The following DNM3 variants were observed in gnomAD, a reference collection of about 807,000 sequenced individuals.
The protein encoded by DNM3 is dynamin 3.
A neutral mutation model predicts 101.6 loss-of-function variants in DNM3; 47 were observed. The ratio of observed to expected loss-of-function variants is 0.46; its 90% CI spans 0.37 to 0.59. The LOEUF is 0.59. Ranked by LOEUF, DNM3 falls within the 20% of genes least tolerant of loss-of-function variation. The pLI is 0.00. For missense variants in DNM3, 849 were observed against 1,085.7 expected, an observed-to-expected ratio of 0.78 and a Z score of 3.06; for synonymous variants, 385 against 387.9, an observed-to-expected ratio of 0.99 and a Z score of 0.09.
chr1:172,078,120 T>G (rs2052820332), intron 11 of DNM3, among the ~76,000 whole-genome samples: 1 of 151,932 alleles, frequency 6.6e-6, no homozygotes, highest in African/African-American at 2.4e-5. Flanking sequence ...TTAGATGGAG[T>G]CTCACTCTGT....
chr1:172,353,533 C>T (rs1323253820), intron 17 of DNM3, among the ~76,000 whole-genome samples: 2 of 152,120 alleles, frequency 1.3e-5, no homozygotes, highest in Non-Finnish European at 2.9e-5. Context: ...GGCCCCCTGA[C>T]CTAATCACAG....
At chr1:171,988,133 C>T (rs2045393948) in intron 3 of DNM3, among the ~76,000 whole-genome samples, 1 of 152,110 alleles carries the variant, frequency 6.6e-6, no homozygotes, top group East Asian at 1.9e-4. Context: ...ACTATGGTTG[C>T]ATCTTCCCCT....
intron 1 of DNM3, among the ~76,000 whole-genome samples, chr1:171,878,354 A>G (rs1014999089): frequency 6.6e-6 from 1 of 150,852 alleles, no homozygotes; most frequent in Non-Finnish European, 1.5e-5. Flanking sequence ...CAAATTGAAG[A>G]GACAGAAAAT....
chr1:172,102,059 A>G (rs1053581482), intron 13 of DNM3, among the ~76,000 whole-genome samples: 3 of 151,962 alleles, frequency 2.0e-5, no homozygotes, highest in Non-Finnish European at 4.4e-5. Flanking sequence ...GGGTTTCACC[A>G]TGTTGGCCAG....
chr1:172,261,086 A>G (rs1051144132), intron 15 of DNM3, among the ~76,000 whole-genome samples: 55 of 152,168 alleles, frequency 3.6e-4, no homozygotes, highest in African/African-American at 1.0e-3. Flanking sequence ...AGTTAGGACT[A>G]TAGGCACATG....
chr1:172,282,164 GTTTGTGT>G (rs2063515169), intron 15 of DNM3, among the ~76,000 whole-genome samples: 1 of 152,136 alleles, frequency 6.6e-6, no homozygotes, highest in Non-Finnish European at 1.5e-5. Context: ...AGGAGCTGAA[GTTTGTGT>G]TTTGTCTTGT....
intron 15 of DNM3, among the ~76,000 whole-genome samples, chr1:172,282,157 A>T (rs2063514642): frequency 6.6e-6 from 1 of 152,144 alleles, no homozygotes; most frequent in South Asian, 2.1e-4. Context: ...GCTATGGAGG[A>T]GCTGAAGTTT....
intron 14 of DNM3, among the ~76,000 whole-genome samples, chr1:172,242,330 C>A (rs371064137): frequency 9.2e-5 from 14 of 152,246 alleles, no homozygotes; most frequent in African/African-American, 3.4e-4. Context: ...TATCTCTCAG[C>A]CTGAAACTTC....
intron 14 of DNM3, among the ~76,000 whole-genome samples, chr1:172,210,529 A>C (rs1370254854): frequency 1.3e-5 from 2 of 152,028 alleles, no homozygotes; most frequent in Non-Finnish European, 2.9e-5. Flanking sequence ...GCTGAGCTGG[A>C]ACTTAAGATG....
At chr1:172,119,502 G>T (rs949475327) in intron 13 of DNM3, among the ~76,000 whole-genome samples, 2 of 151,774 alleles carry the variant, frequency 1.3e-5, no homozygotes, top group Non-Finnish European at 2.9e-5. Flanking sequence ...GCCCCGCCTC[G>T]GTTTCCTTCA....
At chr1:171,968,899 G>A (rs1426725695) in intron 2 of DNM3, among the ~76,000 whole-genome samples, 1 of 152,142 alleles carries the variant, frequency 6.6e-6, no homozygotes, top group African/African-American at 2.4e-5. Context: ...TGCTATTGTT[G>A]TGTTCTTCAA....
chr1:172,055,830 G>A (rs1191440650), intron 10 of DNM3, among the ~76,000 whole-genome samples: 2 of 152,062 alleles, frequency 1.3e-5, no homozygotes, highest in Non-Finnish European at 2.9e-5. Flanking sequence ...CTTGCATTTC[G>A]GGGAGGAGCC....
intron 11 of DNM3, among the ~76,000 whole-genome samples, chr1:172,080,757 AG>A (rs1013933429): frequency 1.6e-4 from 24 of 152,284 alleles, no homozygotes; most frequent in Non-Finnish European, 3.2e-4. Flanking sequence ...CTTGTGGTGT[AG>A]GCACCCAAGG....
intron 14 of DNM3, chr1:172,137,564 A>G (rs2057308375): frequency 6.6e-6 from 1 of 152,194 alleles, no homozygotes; most frequent in South Asian, 2.1e-4. Flanking sequence ...TTTAAGACTG[A>G]GACTTTCATT....
chr1:172,184,226 T>C (rs1418976171), intron 14 of DNM3, among the ~76,000 whole-genome samples: 1 of 152,106 alleles, frequency 6.6e-6, no homozygotes, highest in Non-Finnish European at 1.5e-5. Flanking sequence ...TGATGGAGAA[T>C]TTAGATATGT....
At chr1:172,127,220 C>A (rs768813089) in intron 13 of DNM3, among the ~76,000 whole-genome samples, 5 of 151,924 alleles carry the variant, frequency 3.3e-5, no homozygotes, top group Non-Finnish European at 5.9e-5. Context: ...CTGCTCCTCA[C>A]GAAGGACTTA....
chr1:172,408,927 A>G lies in DNM3; in HGVS notation c.*1086A>G. On this transcript the variant is annotated 3_prime_UTR_variant, in exon 21 of 21. Transcript: ENST00000627582. ...CTGAAATGAAGTCAGTAGAAATGGC[A>G]TGGGATAAGAGCAGAGCTCACACTT... 1 of 985,404 alleles carries G rather than the reference A, an allele frequency of 1.0e-6. No individual in the cohort carries two copies. The highest frequency in any genetic ancestry group is 1.2e-6 in the Non-Finnish European group (1 of 829,890). The allele number at this position is 985,404 out of a possible 1,614,324, so 61.0% of individuals were successfully genotyped here.
intron 1 of DNM3, among the ~76,000 whole-genome samples, chr1:171,883,861 AG>A (rs1335188784): frequency 6.6e-6 from 1 of 152,216 alleles, no homozygotes; most frequent in Non-Finnish European, 1.5e-5. Flanking sequence ...CAGTAATTAA[AG>A]TCTTGATGTG....
chr1:172,391,326 G>A (rs956795348), intron 20 of DNM3, among the ~76,000 whole-genome samples: 19 of 152,206 alleles, frequency 1.2e-4, no homozygotes, highest in East Asian at 3.9e-4. Context: ...GGGAAATCCC[G>A]GGGAAGGGGG....
Sources: gnomAD v4.1 joint callset for allele counts (sites outside exome capture counted in the v4.1 genomes callset) on GRCh38, gnomAD v4.1.1 for gene constraint, MANE v1.5 for transcripts, NCBI Gene and HGNC (gene_info 2026-07-23, HGNC 2026-07-21) for gene names.